The following CEP85L variants were observed in gnomAD, a reference collection of about 807,000 sequenced individuals.
CEP85L encodes centrosomal protein 85L, also known as centrosomal protein of 85 kDa-like.
In CEP85L, 60 loss-of-function variants were observed where a neutral mutation model predicts 100.3. That is an observed-to-expected ratio of 0.60 (90% CI 0.49 to 0.74). The LOEUF is 0.74. Ranked by LOEUF, CEP85L falls within the 30% of genes least tolerant of loss-of-function variation. CEP85L has a pLI of 0.00. For synonymous variants in CEP85L, 319 were observed against 322.7 expected (o/e 0.99, Z 0.12); for missense variants, 973 against 936.2 (o/e 1.04, Z -0.51).
intron 2 of CEP85L, among the ~76,000 whole-genome samples, chr6:118,596,570 T>A (rs942903302): frequency 3.3e-5 from 5 of 152,120 alleles, no homozygotes; most frequent in Non-Finnish European, 5.9e-5. Flanking sequence ...AAGCGTTACA[T>A]CAACACACAT....
At chr6:118,652,203 G>A (rs750318872), upstream of CEP85L, among the ~76,000 whole-genome samples, 16 of 152,214 alleles carry the variant, frequency 1.1e-4, no homozygotes, top group Non-Finnish European at 1.6e-4. Context: ...CATTGTAATC[G>A]CACAACGTTT....
In CEP85L at chr6:118,521,536, T is replaced by C. The variant is rs1424205178; in HGVS notation, c.1139+2266A>G. 2.0e-5 allele frequency among the ~76,000 whole-genome samples: 3 copies of C among 152,188 alleles called. No individual in the cohort carries two copies. In the East Asian group the frequency reaches 5.8e-4, roughly 29 times the overall value. ...TTACCCTTCCTATATTACTAATGCC[T>C]CCTGTCAACGTGATTTTGCTGTTTC... On this transcript the variant is annotated intron_variant, in intron 4 of 12. Transcript: ENST00000368491.
intron 4 of CEP85L, among the ~76,000 whole-genome samples, chr6:118,520,563 C>G (rs1776602414): frequency 6.6e-6 from 1 of 152,140 alleles, no homozygotes; most frequent in Admixed American, 6.5e-5. Flanking sequence ...AAATTACTCT[C>G]TTCTAGCTAT....
In CEP85L at chr6:118,462,059, GA is replaced by G. The variant is rs1183624686; in HGVS notation, c.*3345del. On this transcript the variant is annotated 3_prime_UTR_variant, in exon 13 of 13. Transcript: ENST00000368491. ...AATTAATAATTCTTGCACTATGAAA[GA>G]ATTACTTTATAAGCTCCTTAGTATA... The G allele has an allele frequency of 6.6e-6, 1 of 151,884 alleles. No individual in the cohort carries two copies. Among genetic ancestry groups the G allele is most frequent in the East Asian group, 1.9e-4 (1 of 5,194 alleles). 9.4% of individuals were successfully genotyped at this position (151,884 alleles called of 1,614,324 possible). A position where few individuals can be genotyped will look rare whatever the true frequency, so the allele number is the denominator to read the frequency against.
intron 2 of CEP85L, among the ~76,000 whole-genome samples, chr6:118,605,036 C>T (rs889641020): frequency 1.3e-4 from 19 of 151,980 alleles, no homozygotes; most frequent in East Asian, 5.8e-4. Context: ...TAGAAGATTC[C>T]GCACGTGTAA....
At chr6:118,488,890 G>A (rs1774366666) in intron 6 of CEP85L, among the ~76,000 whole-genome samples, 1 of 152,218 alleles carries the variant, frequency 6.6e-6, no homozygotes, top group Non-Finnish European at 1.5e-5. Flanking sequence ...GAGAAAGTGG[G>A]ATGATAAACT....
intron 10 of CEP85L, among the ~76,000 whole-genome samples, chr6:118,471,716 T>C (rs1772966624): frequency 6.6e-6 from 1 of 151,206 alleles, no homozygotes; most frequent in African/African-American, 2.4e-5. Context: ...TCAAACTCTA[T>C]AACAAGTGTT....
At chr6:118,654,656 G>A (rs940382612), upstream of CEP85L, among the ~76,000 whole-genome samples, 1 of 152,202 alleles carries the variant, frequency 6.6e-6, no homozygotes, top group Admixed American at 6.5e-5. Flanking sequence ...AGATGGATTT[G>A]ACTATCTTAA....
chr6:118,529,750 AT>A (rs1777187596), intron 3 of CEP85L, among the ~76,000 whole-genome samples: 1 of 152,150 alleles, frequency 6.6e-6, no homozygotes, highest in Non-Finnish European at 1.5e-5. Context: ...GTATACATAA[AT>A]ATCTACTTTT....
At chr6:118,523,505 T>G (rs781304693) in intron 4 of CEP85L, among the ~76,000 whole-genome samples, 1 of 152,242 alleles carries the variant, frequency 6.6e-6, no homozygotes, top group Non-Finnish European at 1.5e-5. Flanking sequence ...GTAGCTCTAA[T>G]AGCTGATTAG....
At chr6:118,644,274 A>G (rs1775052608) in intron 1 of CEP85L, among the ~76,000 whole-genome samples, 1 of 150,804 alleles carries the variant, frequency 6.6e-6, no homozygotes. Flanking sequence ...TACTCCTACC[A>G]CCCTGGCTGC....
chr6:118,667,831 A>G (rs1470055371), intron 1 of CEP85L, among the ~76,000 whole-genome samples: 3 of 152,170 alleles, frequency 2.0e-5, no homozygotes, highest in Non-Finnish European at 4.4e-5. Context: ...CACACAGGCC[A>G]GTGTAAATCT....
rs1773963496 is a variant in CEP85L at position 118,483,707 on chromosome 6, T to G, written c.1589A>C (p.Gln530Pro). Residue 530 changes from glutamine to proline, a missense_variant and splice_region_variant, in exon 7 of 13, where the codon CAG (glutamine) becomes CCG (proline). Gln to Pro is a moderately conservative substitution (Grantham distance 76). This residue lies in a region of CEP85L where 890 missense variants were observed against 844.5 expected (regional missense o/e 1.05). Coordinates refer to ENST00000368491, the MANE Select transcript of CEP85L (RefSeq NM_001042475.3). ...TLDDVQSQSL[Q>P]LQILEEKNKN... is the part of the protein sequence containing the mutation. Reference sequence around the variant, plus strand: ...GATAAGCATTTTATTTCATGTTACCTGTAGACTCTGACTCTGTACATCATC... The same window carrying G: ...GATAAGCATTTTATTTCATGTTACCGGTAGACTCTGACTCTGTACATCATC... 2.5e-6 allele frequency: 4 copies of G among 1,609,602 alleles called. No individual in the cohort carries two copies. The highest frequency in any genetic ancestry group is 3.4e-6 in the Non-Finnish European group (4 of 1,178,770).
intron 4 of CEP85L, among the ~76,000 whole-genome samples, chr6:118,523,484 G>A (rs370444046): frequency 6.6e-6 from 1 of 152,178 alleles, no homozygotes; most frequent in Non-Finnish European, 1.5e-5. Flanking sequence ...AAAACACGAA[G>A]ACATTATCTT....
intron 2 of CEP85L, among the ~76,000 whole-genome samples, chr6:118,590,156 C>G (rs1781103925): frequency 6.6e-6 from 1 of 151,978 alleles, no homozygotes; most frequent in South Asian, 2.1e-4. Context: ...CACTCTGTTT[C>G]CTGTTCAACA....
intron 3 of CEP85L, among the ~76,000 whole-genome samples, chr6:118,534,837 C>T (rs1047721787): frequency 4.6e-5 from 7 of 151,826 alleles, no homozygotes; most frequent in East Asian, 3.9e-4. Context: ...CTAGCCAACA[C>T]GGTGAAACCC....
chr6:118,509,031 T>C (rs1029156776), intron 5 of CEP85L, among the ~76,000 whole-genome samples: 1 of 152,152 alleles, frequency 6.6e-6, no homozygotes, highest in Non-Finnish European at 1.5e-5. Flanking sequence ...CCTTGTATTC[T>C]CTTTTACAAA....
At chr6:118,584,374 G>A (rs910501236) in intron 2 of CEP85L, among the ~76,000 whole-genome samples, 3 of 152,128 alleles carry the variant, frequency 2.0e-5, no homozygotes, top group African/African-American at 7.2e-5. Context: ...GCAACTCAGA[G>A]GATTTTGGGG....
intron 2 of CEP85L, among the ~76,000 whole-genome samples, chr6:118,570,797 C>G (rs183227548): frequency 6.6e-6 from 1 of 152,146 alleles, no homozygotes; most frequent in East Asian, 1.9e-4. Flanking sequence ...TTAAATATCC[C>G]AAGTTCAACC....
Sources: gnomAD v4.1 joint callset for allele counts (sites outside exome capture counted in the v4.1 genomes callset) on GRCh38, gnomAD v4.1.1 for gene constraint, gnomAD v4.1.1 regional missense constraint, MANE v1.5 for transcripts, NCBI Gene and HGNC (gene_info 2026-07-23, HGNC 2026-07-21) for gene names.